NCEH1: variants seen among roughly 807,000 people sequenced by gnomAD.
NCEH1 encodes neutral cholesterol ester hydrolase 1, also known as 2-acetyl MAGE hydrolase.
A neutral mutation model predicts 25.4 loss-of-function variants in NCEH1; 9 were observed. That is an observed-to-expected ratio of 0.35 (90% confidence interval 0.21 to 0.62). NCEH1 has a LOEUF of 0.62. Ranked by LOEUF, NCEH1 falls within the 20% of genes least tolerant of loss-of-function variation. NCEH1 has a pLI of 0.72. For missense variants in NCEH1, 412 were observed against 501.1 expected (o/e 0.82, Z 1.70); for synonymous variants, 200 against 199.8 (o/e 1.00, Z -0.01).
Position 172,647,972 on chromosome 3 carries a change from A to C in NCEH1, c.281T>G (p.Val94Gly), listed in dbSNP as rs765152902. The change falls in exon 2 of 5, where the codon GTG becomes GGG. Residue 94 changes from valine to glycine, a missense_variant. Val to Gly is a moderately radical substitution (Grantham distance 109). This residue lies in a region of NCEH1 where 178 missense variants were observed against 189.2 expected (regional missense o/e 0.94). Transcript: ENST00000475381. ...TTCGGGCTTCGGAGGGCCTTCAAAC[A>C]CTCTGACTTCCACACCATCAAAGTC... ...DTDFDGVEVR[V>G]FEGPPKPEEP... The C allele has an allele frequency of 6.2e-7, 1 of 1,614,092 alleles. No homozygotes were observed. Among genetic ancestry groups the C allele is most frequent in the Non-Finnish European group, 8.5e-7 (1 of 1,180,018 alleles).
rs1222046545 is a variant in NCEH1 at position 172,633,472 on chromosome 3, C to G, written c.*3G>C. The G allele has an allele frequency of 1.2e-6, 2 of 1,611,438 alleles. No individual in the cohort carries two copies. Among genetic ancestry groups the G allele is most frequent in the Middle Eastern group, 3.3e-4 (2 of 6,034 alleles). On this transcript the variant is annotated 3_prime_UTR_variant, in exon 5 of 5. Coordinates refer to ENST00000475381, the MANE Select transcript of NCEH1 (RefSeq NM_020792.6). Reference sequence around the variant, plus strand: ...GCTCGAGGCTTCTGGAAGTTTTGCTCCTTTACAGGTTTTGATCTAGCCACT... The same window carrying G: ...GCTCGAGGCTTCTGGAAGTTTTGCTGCTTTACAGGTTTTGATCTAGCCACT...
At position 172,675,369 on chromosome 3, in the gene NCEH1, A is replaced by G. The variant is rs191042878; in HGVS notation, c.139-27255T>C. Among the ~76,000 whole-genome samples the G allele has an allele frequency of 3.5e-3, 529 of 151,954 alleles. 2 individuals carry two copies. Among genetic ancestry groups the G allele is most frequent in the African/African-American group, 0.012 (508 of 41,336 alleles). On this transcript the variant is annotated intron_variant, in intron 1 of 4. Coordinates refer to ENST00000475381, the MANE Select transcript of NCEH1 (RefSeq NM_020792.6). ...ATTTTGTGAGTTGATGGGTGCAGCA[A>G]ACCAACATGGCTCATGTATACCTAT...
chr3:172,645,096 A>T lies in NCEH1; in HGVS notation c.437+527T>A, dbSNP rs560445243. 7.2e-5 allele frequency among the ~76,000 whole-genome samples: 11 copies of T among 152,320 alleles called. No individual in the cohort carries two copies. In the East Asian group the frequency reaches 1.5e-3, roughly 21 times the overall value. ...TATCATCAAAATTATTATAATTATT[A>T]TTCACATTCTTCTTAGTTGCCCAGA... On this transcript the variant is annotated intron_variant, in intron 3 of 4. Coordinates refer to ENST00000475381, the MANE Select transcript of NCEH1 (RefSeq NM_020792.6).
intron 1 of NCEH1, among the ~76,000 whole-genome samples, chr3:172,691,761 A>G (rs1377775649): frequency 6.6e-6 from 1 of 152,282 alleles, no homozygotes; most frequent in African/African-American, 2.4e-5. Context: ...CATCCTGGCT[A>G]ACATGGTGAA....
chr3:172,664,316 T>C (rs969023036), intron 1 of NCEH1, among the ~76,000 whole-genome samples: 1 of 152,248 alleles, frequency 6.6e-6, no homozygotes, highest in Non-Finnish European at 1.5e-5. Context: ...GTAGAGTTTC[T>C]GCAGAGAGAT....
intron 1 of NCEH1, among the ~76,000 whole-genome samples, chr3:172,693,483 G>A (rs1713180879): frequency 1.3e-5 from 2 of 151,784 alleles, no homozygotes; most frequent in Admixed American, 1.3e-4. Context: ...ATGGGAGGGG[G>A]TGGTTAGAGT....
At chr3:172,659,712 C>T (rs540138383) in intron 1 of NCEH1, among the ~76,000 whole-genome samples, 19 of 152,344 alleles carry the variant, frequency 1.2e-4, no homozygotes, top group African/African-American at 4.3e-4. Context: ...TATAGCTTCA[C>T]ATATTTACCC....
intron 1 of NCEH1, among the ~76,000 whole-genome samples, chr3:172,664,946 G>A (rs1577069008): frequency 6.6e-6 from 1 of 152,248 alleles, no homozygotes; most frequent in East Asian, 1.9e-4. Context: ...CCGATTTTCT[G>A]AAGCCTAATT....
At chr3:172,688,330 C>CAAAA (rs11376665) in intron 1 of NCEH1, among the ~76,000 whole-genome samples, 95 of 65,954 alleles carry the variant, frequency 1.4e-3, no homozygotes, top group Non-Finnish European at 1.7e-3. Context: ...AACTCCACCT[C>CAAAA]AAAAAAAAAA....
At chr3:172,707,229 CTCT>C (rs79603690) in intron 1 of NCEH1, among the ~76,000 whole-genome samples, 18,957 of 152,088 alleles carry the variant, frequency 0.12, 1,702 homozygotes, top group African/African-American at 0.25. Context: ...TCCCCAAACT[CTCT>C]TCTTTTGTTC....
chr3:172,662,186 G>A (rs1489367514), intron 1 of NCEH1, among the ~76,000 whole-genome samples: 1 of 152,156 alleles, frequency 6.6e-6, no homozygotes, highest in Non-Finnish European at 1.5e-5. Flanking sequence ...GAAGGCTGTT[G>A]AATTTTGTCA....
chr3:172,664,302 G>C (rs1718102144), intron 1 of NCEH1, among the ~76,000 whole-genome samples: 1 of 152,186 alleles, frequency 6.6e-6, no homozygotes, highest in Non-Finnish European at 1.5e-5. Context: ...CTCTCGTCTG[G>C]CTTGTAGAGT....
chr3:172,663,748 T>C (rs1370066758), intron 1 of NCEH1, among the ~76,000 whole-genome samples: 1 of 152,146 alleles, frequency 6.6e-6, no homozygotes, highest in African/African-American at 2.4e-5. Context: ...TCTTTGTTGG[T>C]TTAAAGTCTC....
chr3:172,683,429 A>G (rs1358318962), intron 1 of NCEH1, among the ~76,000 whole-genome samples: 2 of 148,194 alleles, frequency 1.3e-5, no homozygotes, highest in East Asian at 3.9e-4. Context: ...AAAAAAAAAA[A>G]GAAGCGGAGG....
At chr3:172,641,895 C>A (rs549519720) in intron 3 of NCEH1, among the ~76,000 whole-genome samples, 1 of 152,278 alleles carries the variant, frequency 6.6e-6, no homozygotes, top group Non-Finnish European at 1.5e-5. Flanking sequence ...ATCCTTTAAA[C>A]GAGGTAAGAT....
chr3:172,669,472 G>A (rs2108511497), intron 1 of NCEH1, among the ~76,000 whole-genome samples: 1 of 152,298 alleles, frequency 6.6e-6, no homozygotes, highest in South Asian at 2.1e-4. Flanking sequence ...ATGTTTTGTG[G>A]ATGTAGTTTT....
intron 1 of NCEH1, among the ~76,000 whole-genome samples, chr3:172,664,862 T>C (rs1458230849): frequency 5.9e-5 from 9 of 152,226 alleles, no homozygotes; most frequent in Admixed American, 5.2e-4. Flanking sequence ...ATTTGTCTAA[T>C]CTTTTTTCTA....
intron 1 of NCEH1, among the ~76,000 whole-genome samples, chr3:172,658,971 C>CGT (rs1213329123): frequency 6.7e-6 from 1 of 149,530 alleles, no homozygotes; most frequent in Non-Finnish European, 1.5e-5. Context: ...CAGTAGCTCA[C>CGT]GTGTGCTGAC....
chr3:172,706,847 C>T (rs1363789656), intron 1 of NCEH1, among the ~76,000 whole-genome samples: 2 of 152,012 alleles, frequency 1.3e-5, no homozygotes, highest in East Asian at 1.9e-4. Flanking sequence ...AAAGATTGCT[C>T]GATTTTACTT....
Sources: gnomAD v4.1 joint callset for allele counts (sites outside exome capture counted in the v4.1 genomes callset) on GRCh38, gnomAD v4.1.1 for gene constraint, gnomAD v4.1.1 regional missense constraint, MANE v1.5 for transcripts, NCBI Gene and HGNC (gene_info 2026-07-23, HGNC 2026-07-21) for gene names.